KAZN: variants seen among roughly 807,000 people sequenced by gnomAD.
KAZN encodes the protein kazrin, periplakin interacting protein.
Under a neutral mutation model 87.4 loss-of-function variants are expected in KAZN, and 40 were observed. That is an observed-to-expected ratio of 0.46 (90% CI 0.36 to 0.60). The LOEUF (loss-of-function observed/expected upper bound fraction) is 0.60. Among genes scored for constraint, KAZN ranks in the 20% least tolerant of loss-of-function variants. The pLI, the probability that KAZN is intolerant of heterozygous loss-of-function variation, is 0.00. For synonymous variants in KAZN, 466 were observed against 458.3 expected, an observed-to-expected ratio of 1.02 and a Z score of -0.22; for missense variants, 898 against 1,073.9, an observed-to-expected ratio of 0.84 and a Z score of 2.29.
In KAZN at chr1:14,379,727, C is replaced by T. The variant is rs562396306; in HGVS notation, c.249+199135C>T. Among the ~76,000 whole-genome samples, 3 of 152,298 alleles carry T rather than the reference C, an allele frequency of 2.0e-5. No individual in the cohort carries two copies. In the South Asian group the frequency reaches 6.2e-4, roughly 32 times the overall value. ...TTTGAGTGCCAGCTCAGCCACAGTACAATAGAACACCAGGTAGATTTCTAA... is the reference window on the plus strand; with the variant it reads ...TTTGAGTGCCAGCTCAGCCACAGTATAATAGAACACCAGGTAGATTTCTAA... On this transcript the variant is annotated intron_variant, in intron 2 of 16. Transcript: ENST00000636203.
intron 2 of KAZN, among the ~76,000 whole-genome samples, chr1:14,213,895 A>G (rs962872821): frequency 6.6e-6 from 1 of 152,208 alleles, no homozygotes; most frequent in Non-Finnish European, 1.5e-5. Context: ...TTAAGAACCA[A>G]CACGATTTAC....
chr1:14,306,764 G>A (rs1223020047), intron 2 of KAZN, among the ~76,000 whole-genome samples: 1 of 152,088 alleles, frequency 6.6e-6, no homozygotes, highest in Non-Finnish European at 1.5e-5. Context: ...CCCAGACAGG[G>A]CCTAGAAGTT....
At chr1:14,896,118 A>C (rs532483309) in intron 1 of KAZN, among the ~76,000 whole-genome samples, 17 of 149,316 alleles carry the variant, frequency 1.1e-4, no homozygotes, top group Non-Finnish European at 2.1e-4. Flanking sequence ...GGAATGGTGC[A>C]ATCTCTGCTC....
intron 2 of KAZN, among the ~76,000 whole-genome samples, chr1:14,477,119 A>C (rs1668776629): frequency 6.6e-6 from 1 of 152,190 alleles, no homozygotes; most frequent in Non-Finnish European, 1.5e-5. Flanking sequence ...CATGTCGTGG[A>C]AGGAACTGGT....
intron 2 of KAZN, among the ~76,000 whole-genome samples, chr1:14,302,801 A>G (rs1015611900): frequency 3.9e-5 from 6 of 152,176 alleles, no homozygotes; most frequent in African/African-American, 1.2e-4. Flanking sequence ...GTAAAATTGT[A>G]TCTTACTTCT....
chr1:14,395,993 C>G (rs565931393), intron 2 of KAZN, among the ~76,000 whole-genome samples: 74 of 151,818 alleles, frequency 4.9e-4, no homozygotes, highest in African/African-American at 1.7e-3. Context: ...ATGGTAAAAC[C>G]CCCATCTCTA....
chr1:15,016,842 G>T (rs1480838125), intron 2 of KAZN, among the ~76,000 whole-genome samples: 1 of 152,076 alleles, frequency 6.6e-6, no homozygotes, highest in Non-Finnish European at 1.5e-5. Flanking sequence ...CCTCACACAG[G>T]TCTTCACAGA....
intron 1 of KAZN, among the ~76,000 whole-genome samples, chr1:13,902,135 A>T (rs1351040821): frequency 1.3e-5 from 2 of 152,228 alleles, no homozygotes; most frequent in Non-Finnish European, 2.9e-5. Flanking sequence ...GGCAAGAGGG[A>T]TGTCTCTGGA....
intron 2 of KAZN, among the ~76,000 whole-genome samples, chr1:15,030,867 C>T (rs1306662892): frequency 6.6e-6 from 1 of 152,216 alleles, no homozygotes; most frequent in Non-Finnish European, 1.5e-5. Flanking sequence ...AGCCAGGAAG[C>T]TCAAAGCTGG....
At chr1:13,979,011 G>T (rs1009663121) in intron 1 of KAZN, among the ~76,000 whole-genome samples, 1 of 151,966 alleles carries the variant, frequency 6.6e-6, no homozygotes, top group Admixed American at 6.6e-5. Flanking sequence ...TGGGAGGACT[G>T]CTTGAGCCTG....
At chr1:14,889,735 T>G (rs1654494433) in intron 1 of KAZN, among the ~76,000 whole-genome samples, 1 of 152,166 alleles carries the variant, frequency 6.6e-6, no homozygotes, top group African/African-American at 2.4e-5. Context: ...TTGAAAAAAA[T>G]CAGAAGAATG....
At chr1:13,906,221 T>C (rs1237071825) in intron 1 of KAZN, among the ~76,000 whole-genome samples, 2 of 152,186 alleles carry the variant, frequency 1.3e-5, no homozygotes, top group African/African-American at 4.8e-5. Context: ...CTACAGTACA[T>C]TTCTGTTACT....
intron 2 of KAZN, among the ~76,000 whole-genome samples, chr1:14,552,539 A>G (rs1673603835): frequency 6.6e-6 from 1 of 152,184 alleles, no homozygotes; most frequent in African/African-American, 2.4e-5. Flanking sequence ...GAAACTCAGA[A>G]TTGGTGTGTA....
chr1:14,631,263 C>T (rs1278537021), intron 1 of KAZN, among the ~76,000 whole-genome samples: 1 of 152,188 alleles, frequency 6.6e-6, no homozygotes, highest in Non-Finnish European at 1.5e-5. Flanking sequence ...CTTGGCATCA[C>T]AAGGTAGGGA....
At chr1:14,409,667 T>C (rs542670281) in intron 2 of KAZN, among the ~76,000 whole-genome samples, 4 of 152,186 alleles carry the variant, frequency 2.6e-5, no homozygotes, top group Admixed American at 2.0e-4. Flanking sequence ...AAAATTCCCA[T>C]AGAAAAAGCT....
intron 1 of KAZN, among the ~76,000 whole-genome samples, chr1:14,848,046 A>G (rs973389741): frequency 6.6e-6 from 1 of 152,228 alleles, no homozygotes; most frequent in African/African-American, 2.4e-5. Flanking sequence ...TTCAATGAAT[A>G]AATGAATGTC....
At chr1:13,945,679 T>TTGTGTGTGTGTGTGTGTGTG (rs60728794) in intron 1 of KAZN, among the ~76,000 whole-genome samples, 1 of 123,356 alleles carries the variant, frequency 8.1e-6, no homozygotes, top group Non-Finnish European at 1.6e-5. Context: ...TGCTCTCAGT[T>TTGTGTGTGTGTGTGTGTGTG]TGTGTGTGTG....
intron 2 of KAZN, among the ~76,000 whole-genome samples, chr1:14,260,450 AGAGCATTTC>A (rs1650921216): frequency 6.6e-6 from 1 of 152,310 alleles, no homozygotes; most frequent in Admixed American, 6.5e-5. Context: ...GCCCTGGGAC[AGAGCATTTC>A]GATGACCCGC....
rs1553181088 is a variant in KAZN, at chr1:13,981,093, A to ATATATATATGTATATATATATATATATG, written c.91+87346_91+87347insGTATATATATATATATATGTATATATAT. ...AGAGGTATAAAAAATTACTCTTTAT[A>ATATATATATGTATATATATATATATATG]TATATATATATATATATGTATATAT... is the stretch of plus-strand genomic sequence containing the variant. On this transcript the variant is annotated intron_variant, in intron 1 of 16. Transcript: ENST00000636203. 5.1e-5 allele frequency among the ~76,000 whole-genome samples: 4 copies of ATATATATATGTATATATATATATATATG among 78,152 alleles called. 1 individual carries two copies. The highest frequency in any genetic ancestry group is 1.6e-4 in the Admixed American group (1 of 6,176). The allele number at this position is 78,152 out of a possible 152,430, so 51.3% of individuals were successfully genotyped here.
Sources: gnomAD v4.1 joint callset for allele counts (sites outside exome capture counted in the v4.1 genomes callset) on GRCh38, gnomAD v4.1.1 for gene constraint, MANE v1.5 for transcripts, NCBI Gene and HGNC (gene_info 2026-07-23, HGNC 2026-07-21) for gene names.